The following GLIPR1 variants were observed in gnomAD, a reference collection of about 807,000 sequenced individuals.
GLIPR1 encodes glioma pathogenesis-related protein 1.
Under a neutral mutation model 30.3 loss-of-function variants are expected in GLIPR1, and 38 were observed. The ratio of observed to expected loss-of-function variants is 1.26; its 90% CI spans 0.97 to 1.65. The LOEUF (loss-of-function observed/expected upper bound fraction) is 1.65. Among genes scored for constraint, GLIPR1 ranks in the 40% most tolerant of loss-of-function variants. The pLI is 0.00. For synonymous variants in GLIPR1, 122 were observed against 110.6 expected (o/e 1.10, Z -0.65); for missense variants, 285 against 326.5 (o/e 0.87, Z 0.98).
At chr12:75,498,748 A>T (rs1423354662) in intron 5 of GLIPR1, 28 bp downstream of exon 5, 1 of 1,608,702 alleles carries the variant, frequency 6.2e-7, no homozygotes, top group Non-Finnish European at 8.5e-7. Context: ...AAATTGTTTC[A>T]TTAAGAGCTA....
rs377664018 is a variant in GLIPR1, at chr12:75,482,013, T to A, written c.354T>A (p.Tyr118Ter). ...FSVSSAITNWYDEIQDYDFKT... is the reference protein window; with the variant it reads ...FSVSSAITNW ...TGTCTTCCGCCATCACAAACTGGTA[T>A]GACGAAATCCAGGACTATGACTTCA... The change falls in exon 2 of 6, where the codon TAT becomes TAA. Residue 118 changes from tyrosine (Y) to a stop codon, truncating the protein, a stop_gained. Coordinates refer to ENST00000266659, the MANE Select transcript of GLIPR1 (RefSeq NM_006851.3). LOFTEE classifies it high-confidence loss of function. The A allele has an allele frequency of 6.2e-7, 1 of 1,614,120 alleles. No individual in the cohort carries two copies. Among genetic ancestry groups the A allele is most frequent in the Non-Finnish European group, 8.5e-7 (1 of 1,179,980 alleles).
rs1491118680 is a variant in GLIPR1 at position 75,499,696 on chromosome 12, ACC to A, written c.*719_*720del. The A allele has an allele frequency of 5.8e-5, 36 of 616,806 alleles. No individual in the cohort carries two copies. Among genetic ancestry groups the A allele is most frequent in the Non-Finnish European group, 8.0e-5 (31 of 387,968 alleles). 38.2% of individuals were successfully genotyped at this position (616,806 alleles called of 1,614,324 possible). On this transcript the variant is annotated 3_prime_UTR_variant, in exon 6 of 6. Transcript: ENST00000266659. The stretch of plus-strand genomic sequence containing the variant: ...CACTCTTCTATGAACAACCACCACC[ACC>A]AAAAAAAAAAAAAGCCCTCAGAAAA...
In GLIPR1 at chr12:75,481,913, C is replaced by T. The variant is rs779938880; in HGVS notation, c.254C>T (p.Pro85Leu). ...CQFSHNTRLK[P>L]PHKLHPNFTS... ...TTTTCACATAATACACGGCTGAAGC[C>T]ACCCCACAAGCTGCACCCAAACTTC... The change falls in exon 2 of 6, where the codon CCA becomes CTA. Residue 85 changes from proline (P) to leucine (L), a missense_variant. Pro to Leu is a moderately conservative substitution (Grantham distance 98). Coordinates refer to ENST00000266659, the MANE Select transcript of GLIPR1 (RefSeq NM_006851.3). 3.1e-6 allele frequency: 5 copies of T among 1,614,126 alleles called. No homozygotes were observed. The highest frequency in any genetic ancestry group is 3.3e-5 in the Admixed American group (2 of 60,012).
In GLIPR1 at chr12:75,503,784, A is replaced by G. The variant is rs1358363626; in HGVS notation, c.*4806A>G. 6.4e-6 allele frequency: 5 copies of G among 778,992 alleles called. No homozygotes were observed. Among genetic ancestry groups the G allele is most frequent in the Non-Finnish European group, 9.7e-6 (5 of 514,864 alleles). 48.3% of individuals were successfully genotyped at this position (778,992 alleles called of 1,614,324 possible). On this transcript the variant is annotated 3_prime_UTR_variant, in exon 6 of 6. Coordinates refer to ENST00000266659, the MANE Select transcript of GLIPR1 (RefSeq NM_006851.3). ...TACCCTCAGTTTCTTATAGCTCTGC[A>G]CACACACACACAATATATATATATA...
chr12:75,486,543 T>C (rs1204135875), intron 2 of GLIPR1, among the ~76,000 whole-genome samples: 1 of 152,176 alleles, frequency 6.6e-6, no homozygotes, highest in Non-Finnish European at 1.5e-5. Context: ...TCAAGCCTTG[T>C]GGCTCCAAAG....
chr12:75,492,892 C>A (rs948858520), intron 3 of GLIPR1: 4 of 152,104 alleles, frequency 2.6e-5, no homozygotes, highest in African/African-American at 9.7e-5. Flanking sequence ...TAGAAACTAT[C>A]AATAGGCAAG....
intron 4 of GLIPR1, chr12:75,498,425 G>T: frequency 1.6e-5 from 5 of 317,668 alleles, no homozygotes; most frequent in East Asian, 5.5e-5. Context: ...TACCTGCTAG[G>T]TATGATGTGT....
intron 2 of GLIPR1, among the ~76,000 whole-genome samples, chr12:75,488,029 G>A (rs2046301661): frequency 6.6e-6 from 1 of 152,082 alleles, no homozygotes; most frequent in South Asian, 2.1e-4. Context: ...TGTCATGGTG[G>A]GAGTGCAGCA....
rs1353854483 is a variant in GLIPR1, at chr12:75,503,350, A to T, written c.*4372A>T. On this transcript the variant is annotated 3_prime_UTR_variant, in exon 6 of 6. Coordinates refer to ENST00000266659, the MANE Select transcript of GLIPR1 (RefSeq NM_006851.3). ...TTTGGTAGCCACGTTGCAAGGAAGA[A>T]GTCAAGTTTTTAGACTGATCCAAGT... 6.6e-6 allele frequency: 1 copy of T among 152,116 alleles called. No individual in the cohort carries two copies. Among genetic ancestry groups the T allele is most frequent in the Non-Finnish European group, 1.5e-5 (1 of 67,984 alleles). 9.4% of individuals were successfully genotyped at this position (152,116 alleles called of 1,614,324 possible).
chr12:75,498,601 TG>T, intron 4 of GLIPR1, 92 bp from the exon 5 acceptor site: 1 of 978,734 alleles, frequency 1.0e-6, no homozygotes, highest in Non-Finnish European at 1.6e-6. Context: ...AGCAAGTTAA[TG>T]GTCATAATTA....
rs766960712 is a variant in GLIPR1 at position 75,501,817 on chromosome 12, C to CTACAT, written c.*2842_*2846dup. 6.3e-7 allele frequency: 1 copy of CTACAT among 1,596,612 alleles called. No homozygotes were observed. The highest frequency in any genetic ancestry group is 8.5e-7 in the Non-Finnish European group (1 of 1,171,812). ...TACTGATGGCTTCTGCTTGTTTAGCCTACATTAATAAATAAAAAATATATC... is the reference window on the plus strand; with the variant it reads ...TACTGATGGCTTCTGCTTGTTTAGCCTACATTACATTAATAAATAAAAAATATATC... On this transcript the variant is annotated 3_prime_UTR_variant, in exon 6 of 6. Transcript: ENST00000266659.
In GLIPR1 at chr12:75,490,795, G is replaced by T. The variant is rs538742219; in HGVS notation, c.533+277G>T. On this transcript the variant is annotated intron_variant, in intron 3 of 5. Coordinates refer to ENST00000266659, the MANE Select transcript of GLIPR1 (RefSeq NM_006851.3). ...ACATACGCACATATTTTTAAGAGTG[G>T]TAAGACTAAAATATTCATCAGGGAC... 2.6e-4 allele frequency: 58 copies of T among 226,412 alleles called. No individual in the cohort carries two copies. The Admixed American group carries it at 2.8e-3, about 11-fold the overall frequency. The allele number at this position is 226,412 out of a possible 1,614,324, so 14.0% of individuals were successfully genotyped here.
rs941765348 is a variant in GLIPR1, at chr12:75,500,528, T to A, written c.*1550T>A. 2 of 151,986 alleles carry A rather than the reference T, an allele frequency of 1.3e-5. No individual in the cohort carries two copies. Among genetic ancestry groups the A allele is most frequent in the African/African-American group, 4.8e-5 (2 of 41,416 alleles). The allele number at this position is 151,986 out of a possible 1,614,324, so 9.4% of individuals were successfully genotyped here. ...TAATGTTAGATTAATTCATTGAATA[T>A]TAATTCAATGAATGACTAATTAATA... On this transcript the variant is annotated 3_prime_UTR_variant, in exon 6 of 6. Coordinates refer to ENST00000266659, the MANE Select transcript of GLIPR1 (RefSeq NM_006851.3).
rs186284682 is a variant in GLIPR1 at position 75,488,091 on chromosome 12, G to T, written c.421-2315G>T. ...GCCATCTTGGTTTTGGTGGGTTTTA[G>T]CTGGCTTCCTTACTGCAACCTGTTT... On this transcript the variant is annotated intron_variant, in intron 2 of 5. Coordinates refer to ENST00000266659, the MANE Select transcript of GLIPR1 (RefSeq NM_006851.3). Among the ~76,000 whole-genome samples the T allele has an allele frequency of 6.0e-4, 92 of 152,292 alleles. 2 individuals carry two copies. The East Asian group carries it at 0.012, about 20-fold the overall frequency.
chr12:75,487,633 T>G (rs2046299711), intron 2 of GLIPR1: 1 of 373,508 alleles, frequency 2.7e-6, no homozygotes, highest in African/African-American at 2.1e-5. Flanking sequence ...ACTCTGCCCA[T>G]CATCTCCCTA....
In GLIPR1 at chr12:75,499,442, T is replaced by G. The variant is rs1427977620; in HGVS notation, c.*464T>G. ...GATTTTAGAGGCCTTAATTTTCTGT[T>G]CATGGACTGTTAAAAGTAAAACCAA... On this transcript the variant is annotated 3_prime_UTR_variant, in exon 6 of 6. Transcript: ENST00000266659. 6.1e-6 allele frequency: 1 copy of G among 162,614 alleles called. No homozygotes were observed. The highest frequency in any genetic ancestry group is 1.8e-4 in the East Asian group (1 of 5,590). 10.1% of individuals were successfully genotyped at this position (162,614 alleles called of 1,614,324 possible). A position where few individuals can be genotyped will look rare whatever the true frequency, so the allele number is the denominator to read the frequency against.
Position 75,503,782 on chromosome 12 carries a change from GCACA to G in GLIPR1, c.*4815_*4818del, listed in dbSNP as rs200628608. 7.1e-6 allele frequency: 6 copies of G among 841,520 alleles called. No individual in the cohort carries two copies. Among genetic ancestry groups the G allele is most frequent in the East Asian group, 5.1e-5 (2 of 38,914 alleles). The allele number at this position is 841,520 out of a possible 1,614,324, so 52.1% of individuals were successfully genotyped here. A position where few individuals can be genotyped will look rare whatever the true frequency, so the allele number is the denominator to read the frequency against. On this transcript the variant is annotated 3_prime_UTR_variant, in exon 6 of 6. Coordinates refer to ENST00000266659, the MANE Select transcript of GLIPR1 (RefSeq NM_006851.3). ...TTTACCCTCAGTTTCTTATAGCTCT[GCACA>G]CACACACACAATATATATATATACA...
chr12:75,482,896 C>T (rs1458839267), intron 2 of GLIPR1, among the ~76,000 whole-genome samples: 1 of 151,980 alleles, frequency 6.6e-6, no homozygotes, highest in African/African-American at 2.4e-5. Flanking sequence ...CCTTGTCAAA[C>T]CAATAACGTA....
At chr12:75,486,808 G>GGGA (rs386377017) in intron 2 of GLIPR1, among the ~76,000 whole-genome samples, 1 of 65,920 alleles carries the variant, frequency 1.5e-5, no homozygotes, top group East Asian at 6.3e-4. Flanking sequence ...GCTGGGGTCT[G>GGGA]GTGGGGGTTG....
Sources: allele counts gnomAD v4.1 joint callset (sites outside exome capture counted in the v4.1 genomes callset), GRCh38; gene constraint gnomAD v4.1.1; transcripts MANE v1.5; gene names NCBI Gene and HGNC (gene_info 2026-07-23, HGNC 2026-07-21).